HDAC1: variants seen among roughly 807,000 people sequenced by gnomAD.
HDAC1 encodes histone deacetylase 1.
Under a neutral mutation model 65.5 loss-of-function variants are expected in HDAC1, and 18 were observed. The ratio of observed to expected loss-of-function variants is 0.27; its 90% CI spans 0.19 to 0.41. HDAC1 has a LOEUF of 0.41. Among genes scored for constraint, HDAC1 ranks in the 10% least tolerant of loss-of-function variants. HDAC1 has a pLI of 1.00. For synonymous variants in HDAC1, 211 were observed against 227.9 expected, an observed-to-expected ratio of 0.93 and a Z score of 0.67; for missense variants, 373 against 625.2, an observed-to-expected ratio of 0.60 and a Z score of 4.30.
At position 32,330,941 on chromosome 1, in the gene HDAC1, G is replaced by A. The variant is rs2148072665; in HGVS notation, c.979+33G>A. ...CTGCAGGGCCAGGTTCGGCTGGGCT[G>A]GGTGGGAGCTGGAGCTCATCTGTCC... On this transcript the variant is annotated intron_variant, in intron 9 of 13. Coordinates refer to ENST00000373548, the MANE Select transcript of HDAC1 (RefSeq NM_004964.3). The surrounding 1 kb of genome is among the most constrained non-coding windows in gnomAD (Gnocchi z 4.2). 1 of 1,612,228 alleles carries A rather than the reference G, an allele frequency of 6.2e-7. No homozygotes were observed. The highest frequency in any genetic ancestry group is 8.5e-7 in the Non-Finnish European group (1 of 1,178,452).
Position 32,327,643 on chromosome 1 carries a change from A to T in HDAC1, c.602A>T (p.Tyr201Phe). Reference protein sequence around the residue: ...DRVMTVSFHKYGEYFPGTGDL... With the variant: ...DRVMTVSFHKFGEYFPGTGDL... The stretch of plus-strand genomic sequence containing the variant: ...GTCATGACTGTGTCCTTTCATAAGT[A>T]TGGAGAGTACTTCCCAGGAACTGGG... The change falls in exon 6 of 14, where the codon TAT (tyrosine) becomes TTT (phenylalanine). Residue 201 changes from tyrosine (Y) to phenylalanine (F), a missense_variant. This residue lies in a region of HDAC1 where 62 missense variants were observed against 180.0 expected (regional missense o/e 0.34). Coordinates refer to ENST00000373548, the MANE Select transcript of HDAC1 (RefSeq NM_004964.3). The surrounding 1 kb of genome is among the most constrained non-coding windows in gnomAD (Gnocchi z 6.0). 1 of 1,614,124 alleles carries T rather than the reference A, an allele frequency of 6.2e-7. No homozygotes were observed. The highest frequency in any genetic ancestry group is 8.5e-7 in the Non-Finnish European group (1 of 1,179,964).
rs1307917601 is a variant in HDAC1, at chr1:32,331,768, GC to G, written c.1182del (p.Asp395MetfsTer99). Reference protein sequence around the residue: ...IPEDAIPEESGDEDEDDPDKR... With the variant: ...IPEDAIPEESXDEDEDDPDKR... ...GAGGACGCCATCCCTGAGGAGAGTG[GC>G]GATGAGGACGAAGACGACCCTGACA... On this transcript the variant is annotated frameshift_variant, in exon 11 of 14. Transcript: ENST00000373548. LOFTEE classifies it high-confidence loss of function. The surrounding 1 kb of genome is among the most constrained non-coding windows in gnomAD (Gnocchi z 4.2). The G allele has an allele frequency of 6.2e-7, 1 of 1,613,916 alleles. No individual in the cohort carries two copies. Among genetic ancestry groups the G allele is most frequent in the Non-Finnish European group, 8.5e-7 (1 of 1,179,964 alleles).
chr1:32,293,816 C>T (rs187163353), intron 1 of HDAC1, among the ~76,000 whole-genome samples: 224 of 150,928 alleles, frequency 1.5e-3, no homozygotes, highest in African/African-American at 5.2e-3. Context: ...GCAGGAGAGT[C>T]GCTTGAACCC....
At chr1:32,318,392 T>C (rs1188341253) in intron 3 of HDAC1, among the ~76,000 whole-genome samples, 2 of 151,798 alleles carry the variant, frequency 1.3e-5, no homozygotes, top group Admixed American at 1.3e-4. Context: ...GAGACCCTCA[T>C]CTCTACAAAA....
At chr1:32,294,239 C>T (rs1640736830) in intron 1 of HDAC1, among the ~76,000 whole-genome samples, 1 of 151,644 alleles carries the variant, frequency 6.6e-6, no homozygotes, top group Admixed American at 6.6e-5. Flanking sequence ...ACCTCCACCT[C>T]CCAGATTCAA....
intron 3 of HDAC1, among the ~76,000 whole-genome samples, chr1:32,323,757 A>G (rs1378968522): frequency 1.3e-5 from 2 of 152,098 alleles, no homozygotes; most frequent in Non-Finnish European, 2.9e-5. Flanking sequence ...GTGAAGATGA[A>G]TGATCTCGGG....
In HDAC1 at chr1:32,329,204, G is replaced by A; in HGVS notation, c.729+44G>A. ...CCCTTGGGCTACAAACAGGGGATTG[G>A]TTGGCGGTGGAGGGGAGCAAAGCAC... On this transcript the variant is annotated intron_variant, in intron 7 of 13. Transcript: ENST00000373548. The surrounding 1 kb of genome is among the most constrained non-coding windows in gnomAD (Gnocchi z 4.1). The A allele has an allele frequency of 8.3e-7, 1 of 1,198,040 alleles. No individual in the cohort carries two copies. The highest frequency in any genetic ancestry group is 1.3e-6 in the Non-Finnish European group (1 of 799,924). The allele number at this position is 1,198,040 out of a possible 1,614,324, so 74.2% of individuals were successfully genotyped here.
intron 2 of HDAC1, among the ~76,000 whole-genome samples, chr1:32,307,521 G>A (rs1428656782): frequency 6.6e-6 from 1 of 152,168 alleles, no homozygotes; most frequent in Non-Finnish European, 1.5e-5. Context: ...ACTCACAGGT[G>A]GGTAGTATAC....
At chr1:32,319,292 G>A (rs1241524984) in intron 3 of HDAC1, among the ~76,000 whole-genome samples, 1 of 152,086 alleles carries the variant, frequency 6.6e-6, no homozygotes, top group Non-Finnish European at 1.5e-5. Context: ...TCTGTCATCA[G>A]AAATGGGGGC....
chr1:32,326,757 C>T (rs16834957), intron 4 of HDAC1, among the ~76,000 whole-genome samples, 182 bp from the exon 5 acceptor site: 4 of 137,596 alleles, frequency 2.9e-5, no homozygotes, highest in African/African-American at 8.0e-5. Context: ...TCGTTTTTTA[C>T]GAGTAGACAG....
intron 2 of HDAC1, among the ~76,000 whole-genome samples, chr1:32,311,308 A>T (rs1238336597): frequency 6.6e-6 from 1 of 152,108 alleles, no homozygotes; most frequent in Non-Finnish European, 1.5e-5. Context: ...TCTCTACTAA[A>T]AATACAAAAA....
chr1:32,327,794 A>C lies in HDAC1; in HGVS notation c.636+117A>C. 1.2e-6 allele frequency: 1 copy of C among 822,940 alleles called. No individual in the cohort carries two copies. Among genetic ancestry groups the C allele is most frequent in the Non-Finnish European group, 2.1e-6 (1 of 484,816 alleles). 51.0% of individuals were successfully genotyped at this position (822,940 alleles called of 1,614,324 possible). On this transcript the variant is annotated intron_variant, in intron 6 of 13. Transcript: ENST00000373548. This position sits in a 1 kb window ranked among gnomAD's most constrained non-coding sequence, Gnocchi z 6.0. ...CCTCTTCTGCCAATCAGAATACCAC[A>C]TCCCAATCTGAAGCACTTGCCCTGA...
At chr1:32,321,961 C>T (rs75131756) in intron 3 of HDAC1, among the ~76,000 whole-genome samples, 1 of 152,136 alleles carries the variant, frequency 6.6e-6, no homozygotes, top group African/African-American at 2.4e-5. Context: ...AGAGACCCAC[C>T]CGCTGCACAC....
At chr1:32,303,811 G>A (rs1389567600) in intron 2 of HDAC1, among the ~76,000 whole-genome samples, 1 of 152,172 alleles carries the variant, frequency 6.6e-6, no homozygotes, top group African/African-American at 2.4e-5. Flanking sequence ...GCGGTGAGCT[G>A]TGATTGCACC....
In HDAC1 at chr1:32,327,261, A is replaced by G. The variant is rs1641231756; in HGVS notation, c.494+184A>G. 2 of 637,680 alleles carry G rather than the reference A, an allele frequency of 3.1e-6. No homozygotes were observed. Among genetic ancestry groups the G allele is most frequent in the South Asian group, 3.8e-5 (2 of 52,450 alleles). The allele number at this position is 637,680 out of a possible 1,614,324, so 39.5% of individuals were successfully genotyped here. A position where few individuals can be genotyped will look rare whatever the true frequency, so the allele number is the denominator to read the frequency against. The stretch of plus-strand genomic sequence containing the variant: ...TTGGTTTGATCTGAGCCACGGCATG[A>G]TCAGGGGCAGATGCTGCTCAGATCC... On this transcript the variant is annotated intron_variant, in intron 5 of 13. Coordinates refer to ENST00000373548, the MANE Select transcript of HDAC1 (RefSeq NM_004964.3). The surrounding 1 kb of genome is among the most constrained non-coding windows in gnomAD (Gnocchi z 6.0).
chr1:32,332,188 G>T lies in HDAC1; in HGVS notation c.1318G>T (p.Ala440Ser). The change falls in exon 12 of 14, where the codon GCC becomes TCC. Residue 440 changes from alanine to serine, a missense_variant. Ala to Ser is a moderately conservative substitution (Grantham distance 99). Around this residue, in one of 4 missense-constraint regions of HDAC1, gnomAD observed 126 missense variants for 126.2 expected, o/e 1.00. Transcript: ENST00000373548. ...CAAGAACTCTTCCAACTTCAAAAAA[G>T]CCAAGAGAGTCAAAACAGAGGATGA... ...GRKNSSNFKKAKRVKTEDEKE... is the reference protein window; with the variant it reads ...GRKNSSNFKKSKRVKTEDEKE... The T allele has an allele frequency of 6.2e-7, 1 of 1,613,736 alleles. No homozygotes were observed. The highest frequency in any genetic ancestry group is 8.5e-7 in the Non-Finnish European group (1 of 1,179,718).
At chr1:32,316,283 CA>C (rs879826419) in intron 2 of HDAC1, among the ~76,000 whole-genome samples, 41 of 139,290 alleles carry the variant, frequency 2.9e-4, no homozygotes, top group African/African-American at 4.3e-4. Flanking sequence ...GACTCCGTCT[CA>C]AAAAAAAAAA....
intron 2 of HDAC1, among the ~76,000 whole-genome samples, chr1:32,309,079 T>A (rs1193062081): frequency 7.5e-4 from 114 of 152,280 alleles, no homozygotes; most frequent in African/African-American, 2.6e-3. Flanking sequence ...CCCAAAGCGT[T>A]AGGATTATAG....
chr1:32,297,386 A>G (rs996642377), intron 1 of HDAC1, among the ~76,000 whole-genome samples: 1 of 152,092 alleles, frequency 6.6e-6, no homozygotes. Context: ...GCTCTACAAA[A>G]CAACACAAAA....
Sources: allele counts gnomAD v4.1 joint callset (sites outside exome capture counted in the v4.1 genomes callset), GRCh38; gene constraint gnomAD v4.1.1; regional missense constraint gnomAD v4.1.1; non-coding constraint Gnocchi (gnomAD v3.1); transcripts MANE v1.5; gene names NCBI Gene and HGNC (gene_info 2026-07-23, HGNC 2026-07-21).